The following PLCB1 variants were observed in gnomAD, a reference collection of about 807,000 sequenced individuals.
PLCB1 encodes 1-phosphatidylinositol 4,5-bisphosphate phosphodiesterase beta-1.
PLCB1 carries 46 observed loss-of-function variants against 161.8 expected under a neutral mutation model. The ratio of observed to expected loss-of-function variants is 0.28; its 90% CI spans 0.22 to 0.36. The LOEUF (loss-of-function observed/expected upper bound fraction) is 0.36. Ranked by LOEUF, PLCB1 falls within the 10% of genes least tolerant of loss-of-function variation. The probability of loss-of-function intolerance (pLI) is 1.00; values close to 1 mark genes in which losing one functional copy is unlikely to be tolerated. For synonymous variants in PLCB1, 517 were observed against 503.7 expected (o/e 1.03, Z -0.35); for missense variants, 1,016 against 1,472.5 (o/e 0.69, Z 5.07).
chr20:8,683,901 T>TG (rs1990281335), intron 9 of PLCB1, among the ~76,000 whole-genome samples: 1 of 151,992 alleles, frequency 6.6e-6, no homozygotes, highest in Admixed American at 6.6e-5. Flanking sequence ...TTTTTTTTTT[T>TG]GAGACAGAGT....
chr20:8,199,295 A>C (rs986610083), intron 2 of PLCB1, among the ~76,000 whole-genome samples: 5 of 152,104 alleles, frequency 3.3e-5, no homozygotes. Flanking sequence ...TTGATTGTGC[A>C]TTCTACTCAG....
chr20:8,368,877 G>A (rs73897430), intron 2 of PLCB1, among the ~76,000 whole-genome samples: 2,666 of 19,152 alleles, frequency 0.14, 92 homozygotes, highest in African/African-American at 0.31. Flanking sequence ...CTCCCACCCC[G>A]ATCACACAGT....
intron 11 of PLCB1, among the ~76,000 whole-genome samples, chr20:8,707,125 A>G (rs954447499): frequency 2.0e-5 from 3 of 152,204 alleles, no homozygotes; most frequent in Admixed American, 2.0e-4. Context: ...ATGAAAGATA[A>G]TCTGTGAGTT....
chr20:8,502,012 T>C (rs892408463), intron 3 of PLCB1, among the ~76,000 whole-genome samples: 1 of 150,906 alleles, frequency 6.6e-6, no homozygotes, highest in African/African-American at 2.4e-5. Flanking sequence ...AAAACAAATA[T>C]TGAAACCAAT....
intron 31 of PLCB1, among the ~76,000 whole-genome samples, chr20:8,840,063 C>G (rs1367167573): frequency 3.3e-5 from 5 of 151,492 alleles, no homozygotes; most frequent in Admixed American, 2.6e-4. Context: ...GTGGTGGACT[C>G]TAACCTAATC....
At chr20:8,481,280 T>C (rs1982489809) in intron 3 of PLCB1, among the ~76,000 whole-genome samples, 1 of 152,230 alleles carries the variant, frequency 6.6e-6, no homozygotes, top group Non-Finnish European at 1.5e-5. Context: ...TGCCTTCTGA[T>C]AGAACTGCTA....
rs534115751 is a variant in PLCB1 at position 8,578,820 on chromosome 20, G to A, written c.247-49474G>A. On this transcript the variant is annotated intron_variant, in intron 3 of 31. Transcript: ENST00000338037. ...CTTGAAGCAATAATTCAAACTCTAC[G>A]TTAAGTCATCATATATGATCACAAG... Among the ~76,000 whole-genome samples the A allele has an allele frequency of 3.0e-4, 45 of 152,210 alleles. 2 individuals are homozygous for A. In the South Asian group the frequency reaches 7.3e-3, roughly 25 times the overall value.
At chr20:8,402,737 C>G (rs964021582) in intron 3 of PLCB1, among the ~76,000 whole-genome samples, 2 of 150,950 alleles carry the variant, frequency 1.3e-5, no homozygotes, top group East Asian at 3.9e-4. Context: ...CCTAGCTACT[C>G]GGGAGGCTGA....
intron 3 of PLCB1, among the ~76,000 whole-genome samples, chr20:8,393,666 G>T (rs1987677163): frequency 6.6e-6 from 1 of 152,134 alleles, no homozygotes; most frequent in Non-Finnish European, 1.5e-5. Context: ...AATGCTAAGG[G>T]TTCCTTTATT....
At chr20:8,681,275 G>A (rs1990215054) in intron 9 of PLCB1, among the ~76,000 whole-genome samples, 5 of 151,568 alleles carry the variant, frequency 3.3e-5, no homozygotes, top group Admixed American at 3.3e-4. Flanking sequence ...TATATGAAGT[G>A]TACACCTTCA....
chr20:8,877,970 A>G (rs1343038998), intron 31 of PLCB1, among the ~76,000 whole-genome samples: 4 of 151,798 alleles, frequency 2.6e-5, no homozygotes, highest in African/African-American at 7.3e-5. Flanking sequence ...ATTAAAAATC[A>G]TCATCAAAAT....
chr20:8,594,395 T>C (rs1987254355), intron 3 of PLCB1, among the ~76,000 whole-genome samples: 1 of 152,162 alleles, frequency 6.6e-6, no homozygotes, highest in Non-Finnish European at 1.5e-5. Flanking sequence ...TACATTGCCT[T>C]CAATCAGGGC....
chr20:8,516,271 A>T (rs1019624752), intron 3 of PLCB1, among the ~76,000 whole-genome samples: 1 of 152,210 alleles, frequency 6.6e-6, no homozygotes, highest in Non-Finnish European at 1.5e-5. Context: ...GCACATGAGA[A>T]CACATTCAAC....
intron 2 of PLCB1, among the ~76,000 whole-genome samples, chr20:8,179,370 T>C (rs2051815094): frequency 6.6e-6 from 1 of 152,160 alleles, no homozygotes; most frequent in Non-Finnish European, 1.5e-5. Flanking sequence ...GCTGTATTCC[T>C]AGGTATTTTA....
Position 8,562,863 on chromosome 20 carries a change from A to G in PLCB1, c.247-65431A>G, listed in dbSNP as rs73076117. Among the ~76,000 whole-genome samples the G allele has an allele frequency of 3.8e-3, 577 of 152,188 alleles. 4 individuals are homozygous for G. The highest frequency in any genetic ancestry group is 5.1e-3 in the Non-Finnish European group (346 of 67,964). Reference sequence around the variant, plus strand: ...TTTGGGTGATAGACTATTTTTACAAACTAGAAAAGATTCTAAATCAGGAAA... The same window carrying G: ...TTTGGGTGATAGACTATTTTTACAAGCTAGAAAAGATTCTAAATCAGGAAA... On this transcript the variant is annotated intron_variant, in intron 3 of 31. Transcript: ENST00000338037.
chr20:8,274,389 A>G (rs1258822803), intron 2 of PLCB1, among the ~76,000 whole-genome samples: 1 of 152,260 alleles, frequency 6.6e-6, no homozygotes, highest in African/African-American at 2.4e-5. Flanking sequence ...TTTTGTTTTA[A>G]TATTGATTGC....
At chr20:8,592,371 G>C (rs1600175673) in intron 3 of PLCB1, among the ~76,000 whole-genome samples, 1 of 152,166 alleles carries the variant, frequency 6.6e-6, no homozygotes, top group East Asian at 1.9e-4. Context: ...GGTATCTGTA[G>C]GCCTTTTTGA....
chr20:8,543,481 A>G (rs1166280987), intron 3 of PLCB1, among the ~76,000 whole-genome samples: 1 of 152,148 alleles, frequency 6.6e-6, no homozygotes, highest in Non-Finnish European at 1.5e-5. Flanking sequence ...AGGGCACAAG[A>G]AACTTTTAAG....
intron 24 of PLCB1, among the ~76,000 whole-genome samples, chr20:8,757,666 G>A (rs1241185300): frequency 2.0e-5 from 3 of 151,970 alleles, no homozygotes; most frequent in Non-Finnish European, 4.4e-5. Context: ...AGGCCCAAGA[G>A]TAGATTCTAT....
Sources: gnomAD v4.1 joint callset for allele counts (sites outside exome capture counted in the v4.1 genomes callset) on GRCh38, gnomAD v4.1.1 for gene constraint, MANE v1.5 for transcripts, NCBI Gene and HGNC (gene_info 2026-07-23, HGNC 2026-07-21) for gene names.